LEF1: variants seen among roughly 807,000 people sequenced by gnomAD.
LEF1 encodes lymphoid enhancer binding factor 1, also known as lymphoid enhancer-binding factor 1.
Under a neutral mutation model 51.2 loss-of-function variants are expected in LEF1, and 14 were observed. That is an observed-to-expected ratio of 0.27 (90% CI 0.18 to 0.43). LEF1 has a LOEUF of 0.43. Among genes scored for constraint, LEF1 ranks in the 20% least tolerant of loss-of-function variants. LEF1 has a pLI of 1.00. For missense variants in LEF1, 386 were observed against 512.0 expected, an observed-to-expected ratio of 0.75 and a Z score of 2.37; for synonymous variants, 185 against 183.2, an observed-to-expected ratio of 1.01 and a Z score of -0.08.
chr4:108,098,184 G>A (rs1740515760), intron 3 of LEF1, among the ~76,000 whole-genome samples: 1 of 152,148 alleles, frequency 6.6e-6, no homozygotes, highest in East Asian at 1.9e-4. Context: ...TTCAGAGGGA[G>A]GGACTTCCCA....
intron 3 of LEF1, among the ~76,000 whole-genome samples, chr4:108,109,477 A>G (rs1340243309): frequency 6.6e-6 from 1 of 152,184 alleles, no homozygotes; most frequent in Admixed American, 6.5e-5. Flanking sequence ...CTCCATCTCC[A>G]TGTGCCTAGT....
chr4:108,113,541 C>T (rs1189059288), intron 3 of LEF1, among the ~76,000 whole-genome samples: 3 of 152,186 alleles, frequency 2.0e-5, no homozygotes, highest in African/African-American at 7.2e-5. Flanking sequence ...CCTAAAACAT[C>T]CTGTTTTTGC....
intron 1 of LEF1, chr4:108,166,578 A>G: frequency 2.6e-6 from 3 of 1,162,616 alleles, no homozygotes; most frequent in Non-Finnish European, 3.2e-6. Flanking sequence ...ACTAGGCTTC[A>G]AACAGCCCTC....
intron 3 of LEF1, among the ~76,000 whole-genome samples, chr4:108,126,909 G>A (rs1358318044): frequency 6.6e-6 from 1 of 151,112 alleles, no homozygotes; most frequent in Non-Finnish European, 1.5e-5. Flanking sequence ...CTATTTTAGG[G>A]GCTAGTCATA....
rs1169646969 is a variant in LEF1, at chr4:108,167,008, C to T, written c.213+547G>A. Among the ~76,000 whole-genome samples, 7 of 152,074 alleles carry T rather than the reference C, an allele frequency of 4.6e-5. No individual in the cohort carries two copies. Among genetic ancestry groups the T allele is most frequent in the Admixed American group, 3.9e-4 (6 of 15,268 alleles). ...CCGGCCTGCTCCCCGCGGCCCGGCT[C>T]ACCGGTGGTAGGGACGGCCCCGCCT... On this transcript the variant is annotated intron_variant, in intron 1 of 11. Transcript: ENST00000265165. The surrounding 1 kb of genome is among the most constrained non-coding windows in gnomAD (Gnocchi z 5.7).
At chr4:108,146,593 T>C (rs750159452) in intron 3 of LEF1, among the ~76,000 whole-genome samples, 4 of 152,222 alleles carry the variant, frequency 2.6e-5, no homozygotes, top group Non-Finnish European at 5.9e-5. Flanking sequence ...ACAGGTTGAG[T>C]ATACTTTATT....
At chr4:108,068,268 A>AAAAC (rs1276806171) in intron 9 of LEF1, among the ~76,000 whole-genome samples, 43 of 149,476 alleles carry the variant, frequency 2.9e-4, no homozygotes, top group African/African-American at 1.0e-3. Context: ...TCTCTGTCTC[A>AAAAC]AAACAAAACA....
chr4:108,161,935 C>T (rs1483745467), intron 3 of LEF1, among the ~76,000 whole-genome samples: 1 of 152,060 alleles, frequency 6.6e-6, no homozygotes, highest in East Asian at 1.9e-4. Context: ...TTCTCCTTCC[C>T]TTCTCCACCC....
intron 8 of LEF1, chr4:108,072,987 C>T (rs968175537): frequency 1.4e-4 from 21 of 152,258 alleles, no homozygotes; most frequent in African/African-American, 5.1e-4. Context: ...TGGCTCACCG[C>T]AGCCTCGAAC....
At chr4:108,078,879 C>A (rs1739092813) in intron 7 of LEF1, among the ~76,000 whole-genome samples, 1 of 152,128 alleles carries the variant, frequency 6.6e-6, no homozygotes, top group African/African-American at 2.4e-5. Context: ...GTTGCCTTTG[C>A]ATACATTCGC....
Position 108,069,569 on chromosome 4 carries a change from A to C in LEF1, c.1116+1094T>G, listed in dbSNP as rs552005197. ...AAAAAGATTTTTTTACCCAGTTTTA[A>C]GTAGTCTGTGGCAAAACAGTCACCT... On this transcript the variant is annotated intron_variant, in intron 9 of 11. Transcript: ENST00000265165. Among the ~76,000 whole-genome samples the C allele has an allele frequency of 1.1e-3, 161 of 152,348 alleles. 2 individuals are homozygous for C. The highest frequency in any genetic ancestry group is 0.01 in the Admixed American group (158 of 15,310).
At chr4:108,059,795 C>T (rs1007491314) in intron 11 of LEF1, among the ~76,000 whole-genome samples, 3 of 152,120 alleles carry the variant, frequency 2.0e-5, no homozygotes, top group Admixed American at 1.3e-4. Flanking sequence ...CTTGACATCC[C>T]GGGCTCAATA....
At chr4:108,065,632 G>C (rs531171576) in intron 9 of LEF1, among the ~76,000 whole-genome samples, 11 of 152,288 alleles carry the variant, frequency 7.2e-5, no homozygotes, top group African/African-American at 2.6e-4. Flanking sequence ...CAATGGCCAA[G>C]TGACATGAAG....
intron 4 of LEF1, 66 bp downstream of exon 4, chr4:108,089,059 C>T: frequency 6.3e-7 from 1 of 1,595,032 alleles, no homozygotes; most frequent in Non-Finnish European, 8.6e-7. Flanking sequence ...GAAGGTCACT[C>T]AGGCTGATGA....
chr4:108,062,273 G>A (rs1045019757), intron 11 of LEF1, among the ~76,000 whole-genome samples: 1 of 152,174 alleles, frequency 6.6e-6, no homozygotes, highest in Non-Finnish European at 1.5e-5. Flanking sequence ...TTAGGTAAGG[G>A]CCACCTGGTT....
chr4:108,079,325 T>C (rs1407388092), intron 7 of LEF1, among the ~76,000 whole-genome samples, 167 bp downstream of exon 7: 3 of 152,148 alleles, frequency 2.0e-5, no homozygotes, highest in Non-Finnish European at 4.4e-5. Flanking sequence ...ATCAGCACAG[T>C]AGGAATGAAG....
chr4:108,051,907 G>C (rs921579188), intron 11 of LEF1, among the ~76,000 whole-genome samples: 1 of 152,144 alleles, frequency 6.6e-6, no homozygotes, highest in East Asian at 1.9e-4. Flanking sequence ...CAACAGCACC[G>C]ACCCTGGGCC....
chr4:108,141,270 G>C (rs1256550358), intron 3 of LEF1, among the ~76,000 whole-genome samples: 1 of 152,188 alleles, frequency 6.6e-6, no homozygotes, highest in African/African-American at 2.4e-5. Flanking sequence ...TCTGTTCCCT[G>C]AAGTTGTTCA....
intron 3 of LEF1, among the ~76,000 whole-genome samples, chr4:108,115,081 G>T (rs1420151922): frequency 1.3e-5 from 2 of 152,208 alleles, no homozygotes; most frequent in Admixed American, 1.3e-4. Flanking sequence ...ATCCATTTTA[G>T]GTTGTAAGGC....
Sources: allele counts gnomAD v4.1 joint callset (sites outside exome capture counted in the v4.1 genomes callset), GRCh38; gene constraint gnomAD v4.1.1; non-coding constraint Gnocchi (gnomAD v3.1); transcripts MANE v1.5; gene names NCBI Gene and HGNC (gene_info 2026-07-23, HGNC 2026-07-21).